Variants in RAPGEF4 observed in about 807,000 individuals in gnomAD.
RAPGEF4 encodes RAP guanine-nucleotide-exchange factor (GEF) 4.
In RAPGEF4, 66 loss-of-function variants were observed where a neutral mutation model predicts 147.9. That is an observed-to-expected ratio of 0.45 (90% CI 0.37 to 0.55). The LOEUF (loss-of-function observed/expected upper bound fraction) is 0.55, where lower values mean the gene tolerates loss of function less well. Among genes scored for constraint, RAPGEF4 ranks in the 20% least tolerant of loss-of-function variants. The pLI is 0.00. For missense variants in RAPGEF4, 1,071 were observed against 1,257.3 expected (o/e 0.85, Z 2.24); for synonymous variants, 419 against 442.7 (o/e 0.95, Z 0.67).
intron 10 of RAPGEF4, among the ~76,000 whole-genome samples, chr2:172,973,052 C>T: frequency 6.6e-6 from 1 of 151,348 alleles, no homozygotes; most frequent in East Asian, 1.9e-4. Flanking sequence ...TTCTTTAATG[C>T]ATTCAGTTTG....
intron 4 of RAPGEF4, among the ~76,000 whole-genome samples, chr2:172,885,555 T>A (rs1043023526): frequency 6.6e-6 from 1 of 152,170 alleles, no homozygotes; most frequent in Admixed American, 6.5e-5. Context: ...CTCATAATCA[T>A]GGCAGAAGGC....
chr2:172,888,482 G>A (rs951225357), intron 4 of RAPGEF4, among the ~76,000 whole-genome samples: 3 of 152,204 alleles, frequency 2.0e-5, no homozygotes, highest in Non-Finnish European at 4.4e-5. Context: ...TGGAAGAAAT[G>A]GATTATTTGT....
chr2:172,889,218 A>G (rs58541680), intron 4 of RAPGEF4, among the ~76,000 whole-genome samples: 11,146 of 151,744 alleles, frequency 0.073, 499 homozygotes, highest in South Asian at 0.14. Flanking sequence ...TTTTTTCCTT[A>G]CTAAAGAGCT....
At chr2:173,047,352 T>G (rs552666049) in intron 29 of RAPGEF4, among the ~76,000 whole-genome samples, 2 of 152,332 alleles carry the variant, frequency 1.3e-5, no homozygotes, top group Admixed American at 6.5e-5. Context: ...ACCAAAACTT[T>G]ACAAAGAAGT....
intron 28 of RAPGEF4, 113 bp downstream of exon 28, chr2:173,036,325 T>G: frequency 1.2e-6 from 1 of 868,518 alleles, no homozygotes; most frequent in Non-Finnish European, 1.8e-6. Context: ...CCCATCCTTC[T>G]GCCTTCTTTG....
chr2:172,795,294 A>T (rs1325686816), intron 2 of RAPGEF4, 127 bp downstream of exon 2: 7 of 941,544 alleles, frequency 7.4e-6, no homozygotes, highest in Non-Finnish European at 1.1e-5. Context: ...CAAAAGTATT[A>T]AGGTGACATT....
At chr2:172,974,284 G>A (rs1690823333) in intron 10 of RAPGEF4, among the ~76,000 whole-genome samples, 1 of 152,274 alleles carries the variant, frequency 6.6e-6, no homozygotes, top group African/African-American at 2.4e-5. Context: ...GCTCTTTACT[G>A]TGCACTACCA....
At chr2:173,004,171 TG>T (rs1365558160) in intron 17 of RAPGEF4, among the ~76,000 whole-genome samples, 1 of 152,214 alleles carries the variant, frequency 6.6e-6, no homozygotes, top group Non-Finnish European at 1.5e-5. Context: ...CTTCCAGTTT[TG>T]CTTTTACCAT....
intron 6 of RAPGEF4, among the ~76,000 whole-genome samples, chr2:172,945,241 T>C (rs1007576906): frequency 3.3e-5 from 5 of 152,178 alleles, no homozygotes; most frequent in African/African-American, 1.2e-4. Flanking sequence ...GTATGCTACT[T>C]TTCTGATTTG....
intron 1 of RAPGEF4, among the ~76,000 whole-genome samples, chr2:172,791,578 A>T (rs1685827412): frequency 6.6e-6 from 1 of 152,174 alleles, no homozygotes; most frequent in African/African-American, 2.4e-5. Context: ...TACCCAATAA[A>T]ATTAATGACA....
chr2:172,922,219 T>C (rs2150053965), intron 5 of RAPGEF4, 62 bp from the exon 6 acceptor site: 1 of 1,534,884 alleles, frequency 6.5e-7, no homozygotes, highest in East Asian at 2.3e-5. Context: ...AAAATTTCAA[T>C]TCCACTTTAC....
At chr2:172,894,164 C>G (rs1363458709) in intron 4 of RAPGEF4, 1 of 152,298 alleles carries the variant, frequency 6.6e-6, no homozygotes, top group Admixed American at 6.5e-5. Flanking sequence ...CTACAGGCCA[C>G]TGCACCACCT....
At chr2:172,943,961 G>T in intron 6 of RAPGEF4, among the ~76,000 whole-genome samples, 1 of 152,166 alleles carries the variant, frequency 6.6e-6, no homozygotes, top group East Asian at 1.9e-4. Flanking sequence ...AAGAAGCAAT[G>T]ACATTACCAG....
At chr2:172,867,426 A>C (rs1417849774) in intron 4 of RAPGEF4, among the ~76,000 whole-genome samples, 2 of 152,148 alleles carry the variant, frequency 1.3e-5, no homozygotes, top group African/African-American at 4.8e-5. Context: ...TGAGATACAA[A>C]CTTTTAAATA....
chr2:172,827,930 G>C (rs1440898259), intron 4 of RAPGEF4, among the ~76,000 whole-genome samples: 1 of 152,088 alleles, frequency 6.6e-6, no homozygotes, highest in Non-Finnish European at 1.5e-5. Flanking sequence ...GGCATGCTCA[G>C]CTTTCTAAAT....
intron 1 of RAPGEF4, among the ~76,000 whole-genome samples, chr2:172,781,116 TAA>T (rs1389896075): frequency 6.6e-6 from 1 of 152,248 alleles, no homozygotes; most frequent in Non-Finnish European, 1.5e-5. Flanking sequence ...TATTGTTAAA[TAA>T]AAGTTATTTA....
chr2:172,848,607 G>A (rs957910547), intron 4 of RAPGEF4, among the ~76,000 whole-genome samples: 3 of 152,036 alleles, frequency 2.0e-5, no homozygotes, highest in South Asian at 2.1e-4. Context: ...TGGTCTTTCC[G>A]CCCTAGTCTG....
chr2:172,773,789 T>C (rs1574788575), intron 1 of RAPGEF4, among the ~76,000 whole-genome samples: 1 of 151,844 alleles, frequency 6.6e-6, no homozygotes, highest in African/African-American at 2.4e-5. Flanking sequence ...ACAAAACAAA[T>C]GTGATCACCT....
chr2:172,904,563 C>T (rs1178332224), intron 4 of RAPGEF4, among the ~76,000 whole-genome samples: 4 of 152,054 alleles, frequency 2.6e-5, no homozygotes, highest in Admixed American at 2.6e-4. Context: ...ACCAGTGAGC[C>T]CCTGAAATCT....
Sources: allele counts gnomAD v4.1 joint callset (sites outside exome capture counted in the v4.1 genomes callset), GRCh38; gene constraint gnomAD v4.1.1; transcripts MANE v1.5; gene names NCBI Gene and HGNC (gene_info 2026-07-23, HGNC 2026-07-21).